Variants in CTNNA2 observed in about 807,000 individuals in gnomAD.
The protein encoded by CTNNA2 is catenin alpha 2, also known as catenin alpha-2.
In CTNNA2, 42 loss-of-function variants were observed where a neutral mutation model predicts 101.0. That is an observed-to-expected ratio of 0.42 (90% CI 0.32 to 0.54). The LOEUF is 0.54. CTNNA2 is among the 20% of genes least tolerant of loss of function. CTNNA2 has a pLI of 0.14. For missense variants in CTNNA2, 871 were observed against 1,223.1 expected, an observed-to-expected ratio of 0.71 and a Z score of 4.29; for synonymous variants, 450 against 456.4, an observed-to-expected ratio of 0.99 and a Z score of 0.18.
intron 12 of CTNNA2, among the ~76,000 whole-genome samples, chr2:80,561,041 T>C (rs1399506876): frequency 6.6e-6 from 1 of 152,204 alleles, no homozygotes; most frequent in African/African-American, 2.4e-5. Flanking sequence ...TGATTGGCTT[T>C]CTGGCCTATG....
rs74315527 is a variant in CTNNA2, at chr2:79,297,608, T to A, written c.-405-15101T>A. ...GGTTTCTCTACACCTATTCCAAGAC[T>A]GCTGAGGAAAAGTATACAACCATGC... On this transcript the variant is annotated intron_variant, in intron 2 of 21. Coordinates refer to the CTNNA2 transcript ENST00000466387. 5.6e-3 allele frequency among the ~76,000 whole-genome samples: 851 copies of A among 152,298 alleles called. 12 individuals carry two copies. Among genetic ancestry groups the A allele is most frequent in the African/African-American group, 0.019 (790 of 41,568 alleles).
At position 79,501,205 on chromosome 2, in the gene CTNNA2, C is replaced by T. The variant is rs1182539092; in HGVS notation, c.-134-3849C>T. Among the ~76,000 whole-genome samples the T allele has an allele frequency of 5.3e-5, 8 of 152,278 alleles. No homozygotes were observed. The South Asian group carries it at 6.2e-4, about 12-fold the overall frequency. ...ATTACCCATGGAAAATGGGTTACTG[C>T]TAATCCATGACATGCCATGACATCA... On this transcript the variant is annotated intron_variant, in intron 4 of 21. Coordinates refer to the CTNNA2 transcript ENST00000466387.
chr2:80,446,568 T>C (rs1236556176), intron 9 of CTNNA2, among the ~76,000 whole-genome samples: 1 of 152,228 alleles, frequency 6.6e-6, no homozygotes, highest in Non-Finnish European at 1.5e-5. Flanking sequence ...GCTTCTAGTT[T>C]TCTTTGATAT....
chr2:79,447,645 C>T (rs1678848713), intron 4 of CTNNA2, among the ~76,000 whole-genome samples: 1 of 152,014 alleles, frequency 6.6e-6, no homozygotes, highest in African/African-American at 2.4e-5. Flanking sequence ...CTGTCAAGGA[C>T]ATTGAGTTTC....
intron 4 of CTNNA2, among the ~76,000 whole-genome samples, chr2:79,419,849 C>A (rs1302043236): frequency 6.6e-6 from 1 of 152,068 alleles, no homozygotes; most frequent in Non-Finnish European, 1.5e-5. Flanking sequence ...CATGACCCCA[C>A]CCTTTGTCTT....
chr2:79,344,785 GAATC>G (rs1158931045), intron 3 of CTNNA2, among the ~76,000 whole-genome samples: 5 of 146,294 alleles, frequency 3.4e-5, no homozygotes, highest in Admixed American at 6.9e-5. Context: ...ACTTTTCTGA[GAATC>G]AATTTCTCAG....
At chr2:80,077,349 G>T (rs1698826620) in intron 7 of CTNNA2, among the ~76,000 whole-genome samples, 1 of 151,986 alleles carries the variant, frequency 6.6e-6, no homozygotes, top group South Asian at 2.1e-4. Context: ...ATTCATAATA[G>T]CTCCAAACTG....
At chr2:80,289,999 G>A (rs1675100752) in intron 7 of CTNNA2, among the ~76,000 whole-genome samples, 1 of 152,134 alleles carries the variant, frequency 6.6e-6, no homozygotes, top group South Asian at 2.1e-4. Context: ...CAGAGCTTGG[G>A]TTCTCATCAC....
At chr2:79,449,885 C>A (rs912334519) in intron 4 of CTNNA2, among the ~76,000 whole-genome samples, 3 of 151,942 alleles carry the variant, frequency 2.0e-5, no homozygotes, top group African/African-American at 7.2e-5. Flanking sequence ...TACACAAATG[C>A]AGGATTGGGG....
intron 3 of CTNNA2, among the ~76,000 whole-genome samples, chr2:79,793,887 T>TAC (rs1675480476): frequency 1.1e-5 from 1 of 87,336 alleles, no homozygotes; most frequent in African/African-American, 7.1e-5. Context: ...CACACACTCA[T>TAC]GCACACACAC....
At chr2:80,007,444 AACT>A (rs1424257469) in intron 7 of CTNNA2, among the ~76,000 whole-genome samples, 5 of 152,136 alleles carry the variant, frequency 3.3e-5, no homozygotes, top group Non-Finnish European at 7.3e-5. Context: ...GATTAGTAGC[AACT>A]ACTACTAATT....
chr2:79,797,943 G>A (rs1028647820), intron 3 of CTNNA2, among the ~76,000 whole-genome samples: 6 of 151,922 alleles, frequency 3.9e-5, no homozygotes, highest in Middle Eastern at 3.4e-3. Flanking sequence ...TACATGAATG[G>A]TTTCTGCATC....
chr2:79,754,462 C>T (rs1417743823), intron 3 of CTNNA2, among the ~76,000 whole-genome samples: 1 of 152,058 alleles, frequency 6.6e-6, no homozygotes, highest in African/African-American at 2.4e-5. Flanking sequence ...CAGGAAGCTC[C>T]CTCTGTCACA....
In CTNNA2 at chr2:80,302,590, G is replaced by A. The variant is rs1676438061; in HGVS notation, c.1057-90621G>A. On this transcript the variant is annotated intron_variant, in intron 7 of 18. Coordinates refer to ENST00000402739, the MANE Select transcript of CTNNA2 (RefSeq NM_001282597.3). The surrounding 1 kb of genome is among the most constrained non-coding windows in gnomAD (Gnocchi z 6.4). ...CGTGCTCGCCGCCTGGAAGAGCCAC[G>A]GTGGCAGGCTCGAATGTGCCGTCGT... The A allele has an allele frequency of 2.5e-6, 4 of 1,606,772 alleles. No individual in the cohort carries two copies. Among genetic ancestry groups the A allele is most frequent in the East Asian group, 2.2e-5 (1 of 44,816 alleles).
intron 2 of CTNNA2, among the ~76,000 whole-genome samples, chr2:79,691,514 A>C: frequency 6.6e-6 from 1 of 151,802 alleles, no homozygotes; most frequent in East Asian, 1.9e-4. Context: ...CAATTAGAAA[A>C]AAAAAACTAC....
chr2:79,801,155 A>G (rs1676122684), intron 3 of CTNNA2, among the ~76,000 whole-genome samples: 1 of 152,316 alleles, frequency 6.6e-6, no homozygotes, highest in Admixed American at 6.5e-5. Flanking sequence ...ATTGTTTTCA[A>G]AAACGTTGAG....
In CTNNA2 at chr2:80,338,298, T is replaced by TTTC. The variant is rs1458090397; in HGVS notation, c.1057-54911_1057-54910insCTT. ...GCCTCTGCACCTGGCCTTTTTTTCT[T>TTTC]TTTCTTTTTTTTTTTTTTTCACTTT... On this transcript the variant is annotated intron_variant, in intron 7 of 18. Transcript: ENST00000402739. 7.9e-3 allele frequency among the ~76,000 whole-genome samples: 1,060 copies of TTTC among 134,236 alleles called. 12 individuals are homozygous for TTTC. Among genetic ancestry groups the TTTC allele is most frequent in the African/African-American group, 0.032 (980 of 30,668 alleles). 88.1% of individuals were successfully genotyped at this position (134,236 alleles called of 152,430 possible). A position where few individuals can be genotyped will look rare whatever the true frequency, so the allele number is the denominator to read the frequency against.
intron 2 of CTNNA2, among the ~76,000 whole-genome samples, chr2:79,312,265 T>C (rs912513808): frequency 6.6e-6 from 1 of 150,944 alleles, no homozygotes; most frequent in African/African-American, 2.4e-5. Context: ...TAGAAAGAGG[T>C]ACTGATAGAA....
At chr2:79,307,148 C>T (rs1292155356) in intron 2 of CTNNA2, among the ~76,000 whole-genome samples, 1 of 152,066 alleles carries the variant, frequency 6.6e-6, no homozygotes, top group African/African-American at 2.4e-5. Flanking sequence ...TATGGTTACA[C>T]AGTGATAGTT....
Sources: gnomAD v4.1 joint callset for allele counts (sites outside exome capture counted in the v4.1 genomes callset) on GRCh38, gnomAD v4.1.1 for gene constraint, Gnocchi (gnomAD v3.1) non-coding constraint, MANE v1.5 for transcripts, NCBI Gene and HGNC (gene_info 2026-07-23, HGNC 2026-07-21) for gene names.